The following PVT1 variants were observed in gnomAD, a reference collection of about 807,000 sequenced individuals.
PVT1 encodes Pvt1 oncogene, also known as CXCR4/PVT1 fusion.
chr8:127,938,706 C>T (rs1222960126), intron 3 of PVT1, among the ~76,000 whole-genome samples: 1 of 152,068 alleles, frequency 6.6e-6, no homozygotes. Flanking sequence ...CTGAAGTGTC[C>T]CTGAAAATGA....
chr8:127,980,897 A>G (rs1034191361), intron 3 of PVT1, among the ~76,000 whole-genome samples: 6 of 150,570 alleles, frequency 4.0e-5, no homozygotes, highest in Non-Finnish European at 8.8e-5. Context: ...CCCTGGGTTC[A>G]AGTGATTCCT....
At chr8:128,004,733 C>T (rs1018277917) in intron 4 of PVT1, among the ~76,000 whole-genome samples, 3 of 152,216 alleles carry the variant, frequency 2.0e-5, no homozygotes, top group African/African-American at 7.2e-5. Context: ...CTGTGCAGCC[C>T]TGAACAAGTT....
intron 3 of PVT1, among the ~76,000 whole-genome samples, chr8:127,960,390 T>A (rs1380482957): frequency 6.6e-6 from 1 of 152,136 alleles, no homozygotes; most frequent in African/African-American, 2.4e-5. Flanking sequence ...GGAGACACCC[T>A]TCCTGGAAAG....
chr8:127,884,362 A>G (rs1815502117), intron 2 of PVT1, among the ~76,000 whole-genome samples: 1 of 152,234 alleles, frequency 6.6e-6, no homozygotes, highest in African/African-American at 2.4e-5. Flanking sequence ...TAAAAAATCC[A>G]TTCTACTGTT....
At chr8:127,956,454 C>T (rs529245430) in intron 3 of PVT1, among the ~76,000 whole-genome samples, 1 of 152,346 alleles carries the variant, frequency 6.6e-6, no homozygotes, top group African/African-American at 2.4e-5. Flanking sequence ...AGACACAGCT[C>T]TGCAGTTTAA....
intron 4 of PVT1, among the ~76,000 whole-genome samples, chr8:128,001,388 G>A (rs1481369159): frequency 1.3e-5 from 2 of 151,820 alleles, no homozygotes; most frequent in African/African-American, 4.8e-5. Flanking sequence ...AACCAGGGCA[G>A]TGCTGAGGGG....
intron 2 of PVT1, among the ~76,000 whole-genome samples, chr8:127,849,548 C>T (rs1000610518): frequency 2.2e-4 from 34 of 152,120 alleles, no homozygotes; most frequent in African/African-American, 7.5e-4. Context: ...GTTATGCCAT[C>T]GAGGTAAAAA....
At chr8:127,828,854 G>A (rs1467520500) in intron 2 of PVT1, among the ~76,000 whole-genome samples, 4 of 152,030 alleles carry the variant, frequency 2.6e-5, no homozygotes, top group East Asian at 1.9e-4. Context: ...CCAGATGCTC[G>A]TTCCAAGTTC....
At chr8:127,805,099 T>G (rs1275329873) in intron 2 of PVT1, among the ~76,000 whole-genome samples, 1 of 151,602 alleles carries the variant, frequency 6.6e-6, no homozygotes, top group Admixed American at 6.6e-5. Context: ...CCCGGCTAAT[T>G]TTGTGTTTTT....
chr8:127,873,146 C>A (rs1468579284), intron 2 of PVT1, among the ~76,000 whole-genome samples: 1 of 152,194 alleles, frequency 6.6e-6, no homozygotes, highest in Non-Finnish European at 1.5e-5. Flanking sequence ...AAGACAAGGG[C>A]CTGCCTCTGG....
intron 4 of PVT1, among the ~76,000 whole-genome samples, chr8:128,047,999 A>G (rs1260167627): frequency 1.3e-5 from 2 of 152,234 alleles, no homozygotes; most frequent in Non-Finnish European, 2.9e-5. Context: ...CTGACTTTTT[A>G]AAGAATAGTG....
chr8:127,828,199 C>T, intron 2 of PVT1, among the ~76,000 whole-genome samples: 1 of 152,154 alleles, frequency 6.6e-6, no homozygotes, highest in East Asian at 1.9e-4. Flanking sequence ...GCTCTCTCCT[C>T]ATTTCATTCT....
intron 3 of PVT1, among the ~76,000 whole-genome samples, chr8:127,902,103 A>G (rs1392277806): frequency 6.6e-6 from 1 of 152,172 alleles, no homozygotes; most frequent in Non-Finnish European, 1.5e-5. Context: ...ATAACCCTCC[A>G]CTGAGGAGTA....
intron 2 of PVT1, among the ~76,000 whole-genome samples, chr8:127,857,536 G>T (rs1472047931): frequency 6.6e-6 from 1 of 152,184 alleles, no homozygotes; most frequent in African/African-American, 2.4e-5. Context: ...GCTGGGCATG[G>T]TGGTGTGTGC....
At chr8:127,859,241 C>T (rs1222918601) in intron 2 of PVT1, among the ~76,000 whole-genome samples, 1 of 152,070 alleles carries the variant, frequency 6.6e-6, no homozygotes, top group Non-Finnish European at 1.5e-5. Flanking sequence ...TCTTCAACTG[C>T]CTGTGTTGTT....
At chr8:127,798,876 AAAAC>A (rs1175149116) in intron 2 of PVT1, among the ~76,000 whole-genome samples, 8 of 152,218 alleles carry the variant, frequency 5.3e-5, no homozygotes, top group African/African-American at 1.4e-4. Flanking sequence ...TTTGTCTCAA[AAAAC>A]AAACAACCGC....
Position 128,053,809 on chromosome 8 carries a change from G to T in PVT1, n.913-16351G>T, listed in dbSNP as rs533827865. ...TACAGCTGCACCAGCACAGTGGACT[G>T]GCTGAGCAACCAGAAGGGTTGGGGC... On this transcript the variant is annotated intron_variant and non_coding_transcript_variant, in intron 4 of 10. Transcript: ENST00000651587. Among the ~76,000 whole-genome samples the T allele has an allele frequency of 2.2e-4, 33 of 152,358 alleles. 1 individual carries two copies. The highest frequency in any genetic ancestry group is 7.9e-4 in the African/African-American group (33 of 41,582).
chr8:127,997,147 C>G (rs59878109), intron 4 of PVT1, among the ~76,000 whole-genome samples: 9,692 of 150,538 alleles, frequency 0.064, 1,031 homozygotes, highest in African/African-American at 0.22. Context: ...CTCTGCCTCC[C>G]GGGGTCAAGC....
chr8:127,924,343 G>A (rs555786921), intron 3 of PVT1, among the ~76,000 whole-genome samples: 1 of 152,020 alleles, frequency 6.6e-6, no homozygotes, highest in Non-Finnish European at 1.5e-5. Context: ...TTTTTTGTTT[G>A]TTTGTTTCTT....
Sources: allele counts gnomAD v4.1 joint callset (sites outside exome capture counted in the v4.1 genomes callset), GRCh38; gene constraint gnomAD v4.1.1; transcripts MANE v1.5; gene names NCBI Gene and HGNC (gene_info 2026-07-23, HGNC 2026-07-21).